Variants in NAIP observed in about 807,000 individuals in gnomAD.
NAIP encodes baculoviral IAP repeat-containing protein 1.
A neutral mutation model predicts 23.0 loss-of-function variants in NAIP; 15 were observed. That is an observed-to-expected ratio of 0.65 (90% confidence interval 0.44 to 1.00). The LOEUF (loss-of-function observed/expected upper bound fraction) is 1.00. NAIP is among the 50% of genes least tolerant of loss of function. NAIP has a pLI of 0.00. For missense variants in NAIP, 265 were observed against 278.8 expected (o/e 0.95, Z 0.35); for synonymous variants, 100 against 100.2 (o/e 1.00, Z 0.01).
intron 4 of NAIP, 133 bp from the exon 5 acceptor site, chr5:71,011,507 C>A: frequency 1.3e-6 from 1 of 745,188 alleles, no homozygotes. Flanking sequence ...TGGCCTGAGT[C>A]TCCATCCTCA....
chr5:71,011,493 T>C, intron 4 of NAIP, 119 bp from the exon 5 acceptor site: 1 of 822,624 alleles, frequency 1.2e-6, no homozygotes. Context: ...ACTCCCGATC[T>C]CATTGGCCTG....
In NAIP at chr5:71,017,513, G is replaced by C. The variant is rs1175132422; in HGVS notation, c.-4+3146C>G. On this transcript the variant is annotated intron_variant, in intron 3 of 16. Transcript: ENST00000517649. The stretch of plus-strand genomic sequence containing the variant: ...GCACTTTGGGAGGCTAAGGTGGGAG[G>C]ATTGCTTGAGCCCAGGAATTTGAAA... Among the ~76,000 whole-genome samples the C allele has an allele frequency of 1.6e-4, 18 of 113,782 alleles. 2 individuals are homozygous for C. Among genetic ancestry groups the C allele is most frequent in the African/African-American group, 4.9e-4 (18 of 36,484 alleles). 74.6% of individuals were successfully genotyped at this position (113,782 alleles called of 152,430 possible).
At position 71,011,292 on chromosome 5, in the gene NAIP, A is replaced by T; in HGVS notation, c.651T>A (p.His217Gln). The change falls in exon 5 of 17, where the codon CAT (histidine) becomes CAA (glutamine). Residue 217 changes from histidine to glutamine, a missense_variant. This residue lies in a region of NAIP where 261 missense variants were observed against 259.2 expected (regional missense o/e 1.01). Transcript: ENST00000517649. ...WEEGDDPWKE[H>Q]AKWFPKCEFL... is the part of the protein sequence containing the mutation. ...CTACTTACTTGGGGAACCATTTGGCATGTTCCTTCCAAGGATCATCTCCTT... is the reference window on the plus strand; with the variant it reads ...CTACTTACTTGGGGAACCATTTGGCTTGTTCCTTCCAAGGATCATCTCCTT... The T allele has an allele frequency of 3.7e-6, 6 of 1,601,190 alleles. 1 individual carries two copies. The highest frequency in any genetic ancestry group is 5.1e-6 in the Non-Finnish European group (6 of 1,172,802).
intron 3 of NAIP, 31 bp from the exon 4 acceptor site, chr5:71,012,949 T>G (rs1182469682): frequency 6.7e-7 from 1 of 1,494,070 alleles, no homozygotes; most frequent in Admixed American, 2.3e-5. Context: ...GGTTGATCCC[T>G]TATAGTAAGA....
intron 5 of NAIP, among the ~76,000 whole-genome samples, chr5:71,008,823 A>G: frequency 7.3e-6 from 1 of 136,864 alleles, no homozygotes; most frequent in Admixed American, 7.0e-5. Flanking sequence ...AAAAAAAGAA[A>G]GAAAGAAAGA....
intron 13 of NAIP, among the ~76,000 whole-genome samples, chr5:70,977,799 C>T (rs1750338454): frequency 7.7e-6 from 1 of 130,016 alleles, no homozygotes; most frequent in South Asian, 2.9e-4. Context: ...TTGAGACTGG[C>T]CTGGCCAACA....
rs1464902315 is a variant in NAIP, at chr5:70,969,525, CCT to C, written c.*577_*578del. 6.8e-5 allele frequency: 5 copies of C among 73,288 alleles called. No homozygotes were observed. Among genetic ancestry groups the C allele is most frequent in the African/African-American group, 2.2e-4 (4 of 18,048 alleles). 4.5% of individuals were successfully genotyped at this position (73,288 alleles called of 1,614,324 possible). ...GGAATGAAGTCATTTTTCCCTAACC[CCT>C]GTTTCCTCTTTATATTGGCAGTGGA... On this transcript the variant is annotated 3_prime_UTR_variant, in exon 17 of 17. Transcript: ENST00000517649.
intron 13 of NAIP, among the ~76,000 whole-genome samples, chr5:70,977,919 C>A (rs1750346335): frequency 1.6e-5 from 2 of 122,174 alleles, no homozygotes; most frequent in African/African-American, 2.6e-5. Context: ...TGCTTGAACC[C>A]AGGAGACGGA....
intron 8 of NAIP, among the ~76,000 whole-genome samples, chr5:71,000,469 A>G (rs1319938294): frequency 8.7e-6 from 1 of 115,292 alleles, no homozygotes; most frequent in Non-Finnish European, 1.7e-5. Context: ...GTCACCCAGG[A>G]AAAAGATTAG....
chr5:71,000,631 C>T (rs1315799600), intron 8 of NAIP, among the ~76,000 whole-genome samples: 1 of 108,874 alleles, frequency 9.2e-6, no homozygotes, highest in Non-Finnish European at 1.8e-5. Context: ...TGACTCCCCG[C>T]AACCTCCACG....
intron 16 of NAIP, among the ~76,000 whole-genome samples, chr5:70,972,888 CAT>C (rs1291309986): frequency 3.5e-3 from 228 of 65,824 alleles, no homozygotes; most frequent in African/African-American, 9.7e-3. Context: ...TGTAAGTTGT[CAT>C]TGTTTTTTGT....
intron 5 of NAIP, among the ~76,000 whole-genome samples, chr5:71,008,687 C>T (rs1330297154): frequency 5.2e-5 from 3 of 58,014 alleles, no homozygotes; most frequent in Admixed American, 4.0e-4. Flanking sequence ...CACCTATAAT[C>T]CCAGACCTGG....
chr5:71,015,023 T>A (rs1429359919), intron 3 of NAIP, among the ~76,000 whole-genome samples: 2 of 151,712 alleles, frequency 1.3e-5, no homozygotes, highest in Non-Finnish European at 2.9e-5. Context: ...AAATGTGCAT[T>A]GGTGGCCTTT....
intron 9 of NAIP, among the ~76,000 whole-genome samples, chr5:70,989,203 ACT>A (rs1750610784): frequency 1.4e-5 from 1 of 70,568 alleles, no homozygotes; most frequent in South Asian, 6.9e-4. Flanking sequence ...CAGGAGTGAA[ACT>A]CTGTCTCAAA....
chr5:70,978,142 TATATATA>T (rs1358377581), intron 13 of NAIP, among the ~76,000 whole-genome samples: 13 of 30,816 alleles, frequency 4.2e-4, no homozygotes, highest in East Asian at 4.5e-3. Context: ...TATATATATA[TATATATA>T]TTTTTTTTTT....
intron 5 of NAIP, among the ~76,000 whole-genome samples, chr5:71,010,074 C>A (rs1198816311): frequency 6.6e-6 from 1 of 151,502 alleles, no homozygotes; most frequent in Non-Finnish European, 1.5e-5. Flanking sequence ...CCAGCATACA[C>A]CATTTTACAC....
At chr5:70,977,962 C>T (rs1750350289) in intron 13 of NAIP, among the ~76,000 whole-genome samples, 1 of 126,672 alleles carries the variant, frequency 7.9e-6, no homozygotes, top group African/African-American at 2.6e-5. Context: ...TGCCACTGCA[C>T]TCCAGCCTGG....
At chr5:71,016,200 G>T (rs1308260906) in intron 3 of NAIP, among the ~76,000 whole-genome samples, 2 of 149,960 alleles carry the variant, frequency 1.3e-5, no homozygotes, top group African/African-American at 4.9e-5. Context: ...AGGCTGAGGT[G>T]GAAGGATCTC....
chr5:71,014,838 G>A (rs1002636044), intron 3 of NAIP, among the ~76,000 whole-genome samples: 1 of 151,546 alleles, frequency 6.6e-6, no homozygotes, highest in Non-Finnish European at 1.5e-5. Context: ...GGGAGGCAGA[G>A]GTTGCAGTGA....
Sources: allele counts gnomAD v4.1 joint callset (sites outside exome capture counted in the v4.1 genomes callset), GRCh38; gene constraint gnomAD v4.1.1; regional missense constraint gnomAD v4.1.1; transcripts MANE v1.5; gene names NCBI Gene and HGNC (gene_info 2026-07-23, HGNC 2026-07-21).